Variants in ZNF638 observed in about 807,000 individuals in gnomAD.
ZNF638 encodes the protein zinc finger protein 638.
Under a neutral mutation model 195.6 loss-of-function variants are expected in ZNF638, and 46 were observed. The observed-to-expected ratio is 0.24, with a 90% confidence interval of 0.19 to 0.30. ZNF638 has a LOEUF of 0.30. Among genes scored for constraint, ZNF638 ranks in the 10% least tolerant of loss-of-function variants. The pLI is 1.00. For missense variants in ZNF638, 2,440 were observed against 2,325.3 expected (o/e 1.05, Z -1.01); for synonymous variants, 845 against 772.0 (o/e 1.09, Z -1.57).
intron 7 of ZNF638, 98 bp downstream of exon 7, chr2:71,368,626 A>C: frequency 7.9e-7 from 1 of 1,266,258 alleles, no homozygotes; most frequent in African/African-American, 1.5e-5. Context: ...TACTGCATAT[A>C]TAATTGTTCT....
chr2:71,353,084 G>A (rs1372043256), intron 2 of ZNF638, among the ~76,000 whole-genome samples: 2 of 152,152 alleles, frequency 1.3e-5, no homozygotes, highest in Non-Finnish European at 2.9e-5. Flanking sequence ...CCTCGTAAGT[G>A]TTCCTGTGTG....
chr2:71,401,477 G>A (rs940716181), intron 15 of ZNF638, among the ~76,000 whole-genome samples: 1 of 152,112 alleles, frequency 6.6e-6, no homozygotes, highest in Non-Finnish European at 1.5e-5. Context: ...GGAGCTTGGG[G>A]ATATTATCAC....
chr2:71,376,470 C>G (rs2079427588), intron 8 of ZNF638: 2 of 152,116 alleles, frequency 1.3e-5, no homozygotes, highest in South Asian at 4.1e-4. Flanking sequence ...TGGCCTGTTA[C>G]CACTTCAAGT....
At chr2:71,364,345 T>C in intron 5 of ZNF638, 93 bp downstream of exon 5, 2 of 1,351,580 alleles carry the variant, frequency 1.5e-6, no homozygotes, top group Non-Finnish European at 2.0e-6. Context: ...TTCTACTTTA[T>C]TAAATTTTAG....
chr2:71,431,116 T>G, intron 25 of ZNF638: 1 of 474,024 alleles, frequency 2.1e-6, no homozygotes. Flanking sequence ...GCTGTTAGCT[T>G]TAGACCTATA....
At chr2:71,365,041 A>T (rs2079172379) in intron 5 of ZNF638, among the ~76,000 whole-genome samples, 1 of 152,204 alleles carries the variant, frequency 6.6e-6, no homozygotes, top group Non-Finnish European at 1.5e-5. Context: ...GTTTTTATAA[A>T]AATATTTATG....
At position 71,423,754 on chromosome 2, in the gene ZNF638, C is replaced by A. The variant is rs1382553164; in HGVS notation, c.4240C>A (p.Gln1414Lys). ...AKATVSKTEN[Q>K]KSFPKSVPRD... Reference sequence around the variant, plus strand: ...AGCTACAGTTTCAAAAACTGAAAATCAGAAAAGTTTTCCAAAATCTGTGCC... The same window carrying A: ...AGCTACAGTTTCAAAAACTGAAAATAAGAAAAGTTTTCCAAAATCTGTGCC... Residue 1414 changes from glutamine (Q) to lysine (K), a missense_variant, in exon 22 of 28, where the codon CAG becomes AAG. Around this residue, in one of 5 missense-constraint regions of ZNF638, gnomAD observed 1,883 missense variants for 1,739.1 expected, o/e 1.08. Coordinates refer to ENST00000264447, the MANE Select transcript of ZNF638 (RefSeq NM_014497.5). The A allele has an allele frequency of 5.6e-6, 9 of 1,613,880 alleles. No individual in the cohort carries two copies. The highest frequency in any genetic ancestry group is 7.6e-6 in the Non-Finnish European group (9 of 1,179,998).
At chr2:71,434,444 T>C (rs371405441) in intron 27 of ZNF638, among the ~76,000 whole-genome samples, 1 of 152,264 alleles carries the variant, frequency 6.6e-6, no homozygotes, top group South Asian at 2.1e-4. Context: ...GCCCCCAAAG[T>C]ATTTTATTTT....
At chr2:71,411,667 T>C (rs1157476487) in intron 20 of ZNF638, among the ~76,000 whole-genome samples, 53 of 99,926 alleles carry the variant, frequency 5.3e-4, no homozygotes, top group Non-Finnish European at 6.6e-4. Flanking sequence ...GATATTCCCC[T>C]TCCTGTGTCC....
At chr2:71,407,771 A>G (rs2080134550) in intron 19 of ZNF638, 1 of 158,936 alleles carries the variant, frequency 6.3e-6, no homozygotes, top group Non-Finnish European at 1.4e-5. Context: ...ATGTGGAATT[A>G]TATTTGCTTT....
At chr2:71,432,176 T>TA (rs1169401326) in intron 26 of ZNF638, among the ~76,000 whole-genome samples, 1 of 152,202 alleles carries the variant, frequency 6.6e-6, no homozygotes, top group Non-Finnish European at 1.5e-5. Context: ...TCTTTTATTT[T>TA]AATGGGATTC....
At chr2:71,399,139 AG>A (rs2079954550) in intron 12 of ZNF638, among the ~76,000 whole-genome samples, 1 of 152,170 alleles carries the variant, frequency 6.6e-6, no homozygotes, top group Non-Finnish European at 1.5e-5. Context: ...ACTTTTAAAA[AG>A]GATGTTAGGA....
chr2:71,373,437 ATTTTTTTTT>A (rs754117239), intron 8 of ZNF638, among the ~76,000 whole-genome samples: 18 of 71,010 alleles, frequency 2.5e-4, no homozygotes, highest in African/African-American at 5.6e-4. Context: ...TCAAGTTTGA[ATTTTTTTTT>A]TTTTTTTTTT....
intron 8 of ZNF638, among the ~76,000 whole-genome samples, chr2:71,372,464 G>A (rs774147994): frequency 2.0e-5 from 3 of 152,144 alleles, no homozygotes; most frequent in African/African-American, 4.8e-5. Flanking sequence ...TAGTTACTGC[G>A]CTGTCCCTTC....
intron 10 of ZNF638, chr2:71,393,773 C>T: frequency 3.2e-6 from 2 of 621,912 alleles, no homozygotes; most frequent in Non-Finnish European, 5.8e-6. Context: ...GCAGGCACCC[C>T]CTTCCCAGCC....
chr2:71,361,734 CAG>C (rs2079113003), intron 3 of ZNF638: 2 of 152,204 alleles, frequency 1.3e-5, no homozygotes, highest in South Asian at 4.1e-4. Context: ...AGATGTCTGT[CAG>C]GGGTTTTGTA....
At chr2:71,388,829 A>G (rs2079706845) in intron 10 of ZNF638, 1 of 721,206 alleles carries the variant, frequency 1.4e-6, no homozygotes, top group Admixed American at 2.1e-5. Flanking sequence ...AGTATATAAA[A>G]GTATTGAAAC....
chr2:71,370,423 G>A (rs568899881), intron 8 of ZNF638, among the ~76,000 whole-genome samples: 5 of 152,018 alleles, frequency 3.3e-5, no homozygotes, highest in African/African-American at 7.2e-5. Flanking sequence ...AAACAAAATC[G>A]TATAGTGTAC....
At position 71,423,323 on chromosome 2, in the gene ZNF638, C is replaced by T; in HGVS notation, c.3809C>T (p.Thr1270Ile). The change falls in exon 22 of 28, where the codon ACT (threonine) becomes ATT (isoleucine). Residue 1270 changes from threonine (T) to isoleucine (I), a missense_variant. This residue lies in a region of ZNF638 where 1,883 missense variants were observed against 1,739.1 expected (regional missense o/e 1.08). Coordinates refer to ENST00000264447, the MANE Select transcript of ZNF638 (RefSeq NM_014497.5). ...GTAGCTGAAGTAGAAAAAAATGAAA[C>T]TGTTTCGGAAATATTGCCATCAACT... ...EAVAEVEKNE[T>I]VSEILPSTCI... 1.2e-6 allele frequency: 2 copies of T among 1,613,856 alleles called. No individual in the cohort carries two copies. Among genetic ancestry groups the T allele is most frequent in the Non-Finnish European group, 1.7e-6 (2 of 1,179,992 alleles).
Sources: allele counts gnomAD v4.1 joint callset (sites outside exome capture counted in the v4.1 genomes callset), GRCh38; gene constraint gnomAD v4.1.1; regional missense constraint gnomAD v4.1.1; transcripts MANE v1.5; gene names NCBI Gene and HGNC (gene_info 2026-07-23, HGNC 2026-07-21).